Variants in SNX4 observed in about 807,000 individuals in gnomAD.
SNX4 encodes sorting nexin-4.
A neutral mutation model predicts 70.8 loss-of-function variants in SNX4; 49 were observed. The observed-to-expected ratio is 0.69, with a 90% CI of 0.55 to 0.88. The LOEUF is 0.88. SNX4 is among the 40% of genes least tolerant of loss of function. The probability of loss-of-function intolerance (pLI) is 0.00; values close to 1 mark genes in which losing one functional copy is unlikely to be tolerated. For synonymous variants in SNX4, 206 were observed against 183.8 expected (o/e 1.12, Z -0.98); for missense variants, 528 against 544.8 (o/e 0.97, Z 0.31).
intron 1 of SNX4, among the ~76,000 whole-genome samples, chr3:125,508,663 G>A (rs556896359): frequency 5.3e-5 from 8 of 152,152 alleles, no homozygotes; most frequent in African/African-American, 1.9e-4. Context: ...CAACAACGTG[G>A]TACTGTCATA....
At chr3:125,515,624 C>T (rs1381447394) in intron 1 of SNX4, among the ~76,000 whole-genome samples, 1 of 145,760 alleles carries the variant, frequency 6.9e-6, no homozygotes, top group Admixed American at 6.9e-5. Context: ...ATGATCATGC[C>T]ATTGCACTCC....
At chr3:125,468,649 C>T (rs531416250) in intron 9 of SNX4, among the ~76,000 whole-genome samples, 4 of 152,190 alleles carry the variant, frequency 2.6e-5, no homozygotes, top group East Asian at 3.9e-4. Flanking sequence ...AGTCCAAGAT[C>T]GACCTGGGCA....
At chr3:125,499,118 T>A (rs1468230205) in intron 2 of SNX4, among the ~76,000 whole-genome samples, 1 of 152,214 alleles carries the variant, frequency 6.6e-6, no homozygotes, top group South Asian at 2.1e-4. Flanking sequence ...CCATGTCTCA[T>A]ACATACAAAA....
chr3:125,519,863 C>T (rs1935365022), intron 1 of SNX4, among the ~76,000 whole-genome samples, 169 bp downstream of exon 1: 1 of 152,138 alleles, frequency 6.6e-6, no homozygotes, highest in Non-Finnish European at 1.5e-5. Context: ...ACTGAGCCTC[C>T]TCTCACTGCA....
chr3:125,491,777 C>A (rs1042254922), intron 5 of SNX4, among the ~76,000 whole-genome samples: 6 of 152,212 alleles, frequency 3.9e-5, no homozygotes, highest in African/African-American at 1.4e-4. Context: ...TATCTGAAAT[C>A]ATCTTGTTCA....
At chr3:125,477,674 A>G (rs1934316702) in intron 7 of SNX4, among the ~76,000 whole-genome samples, 1 of 152,206 alleles carries the variant, frequency 6.6e-6, no homozygotes, top group South Asian at 2.1e-4. Flanking sequence ...ACAGTGACAG[A>G]ACCGCCACTG....
intron 5 of SNX4, among the ~76,000 whole-genome samples, chr3:125,492,730 T>C (rs1367394351): frequency 2.0e-5 from 3 of 152,284 alleles, no homozygotes; most frequent in Non-Finnish European, 2.9e-5. Context: ...AGTTTATGAG[T>C]ATTTCCAGCT....
chr3:125,496,305 A>C (rs1934793013), intron 5 of SNX4, among the ~76,000 whole-genome samples: 1 of 152,080 alleles, frequency 6.6e-6, no homozygotes, highest in African/African-American at 2.4e-5. Context: ...AAATCATAAA[A>C]ACTCCAAAAT....
chr3:125,519,587 A>G (rs1580017352), intron 1 of SNX4, among the ~76,000 whole-genome samples: 1 of 151,162 alleles, frequency 6.6e-6, no homozygotes, highest in South Asian at 2.1e-4. Flanking sequence ...ACTGTTGCCC[A>G]CTCCCCACTG....
chr3:125,504,073 G>A (rs1580006529), intron 2 of SNX4, among the ~76,000 whole-genome samples: 1 of 152,190 alleles, frequency 6.6e-6, no homozygotes, highest in Middle Eastern at 3.4e-3. Flanking sequence ...GCTCACACTT[G>A]TAATCCGAAC....
At chr3:125,457,565 A>T (rs1933755453) in intron 10 of SNX4, among the ~76,000 whole-genome samples, 200 bp from the exon 11 acceptor site, 2 of 144,298 alleles carry the variant, frequency 1.4e-5, no homozygotes, top group Non-Finnish European at 3.0e-5. Context: ...TAAAAACTTC[A>T]TATATTCTTT....
intron 7 of SNX4, 151 bp from the exon 8 acceptor site, chr3:125,476,907 A>C (rs1397573052): frequency 1.8e-6 from 1 of 552,946 alleles, no homozygotes; most frequent in Non-Finnish European, 3.2e-6. Context: ...CATCCCCCTA[A>C]AACTAAAACC....
At chr3:125,509,704 G>GA (rs1580010504) in intron 1 of SNX4, among the ~76,000 whole-genome samples, 1 of 126,412 alleles carries the variant, frequency 7.9e-6, no homozygotes, top group Non-Finnish European at 1.6e-5. Context: ...AGTGAGCTAA[G>GA]ATCATGCCAC....
intron 12 of SNX4, among the ~76,000 whole-genome samples, chr3:125,452,672 C>T (rs1933604873): frequency 6.6e-6 from 1 of 152,184 alleles, no homozygotes; most frequent in South Asian, 2.1e-4. Context: ...GGCTAGAGTG[C>T]AGTGGCGTGA....
chr3:125,482,966 T>C (rs1174545322), intron 6 of SNX4, among the ~76,000 whole-genome samples: 1 of 151,948 alleles, frequency 6.6e-6, no homozygotes, highest in Non-Finnish European at 1.5e-5. Flanking sequence ...TTTGAAGGAA[T>C]ATAAACCTAA....
chr3:125,462,453 G>T (rs936957993), intron 9 of SNX4, among the ~76,000 whole-genome samples: 2 of 151,942 alleles, frequency 1.3e-5, no homozygotes, highest in African/African-American at 4.8e-5. Context: ...AGCTGGACAT[G>T]GTAGTGCATG....
intron 2 of SNX4, among the ~76,000 whole-genome samples, chr3:125,502,560 AT>A (rs536863146): frequency 2.2e-4 from 33 of 151,586 alleles, no homozygotes; most frequent in Non-Finnish European, 3.2e-4. Flanking sequence ...GTAGGTTAAA[AT>A]TTTTTTTCTT....
chr3:125,514,467 C>T (rs993298946), intron 1 of SNX4, among the ~76,000 whole-genome samples: 1 of 150,676 alleles, frequency 6.6e-6, no homozygotes, highest in Non-Finnish European at 1.5e-5. Context: ...TCACAGCTCA[C>T]TGCAACCTCC....
At chr3:125,471,626 A>T (rs564480390) in intron 8 of SNX4, among the ~76,000 whole-genome samples, 39 of 152,332 alleles carry the variant, frequency 2.6e-4, no homozygotes, top group African/African-American at 8.7e-4. Context: ...TGAATATTTT[A>T]AAATGTTCAA....
Sources: gnomAD v4.1 joint callset for allele counts (sites outside exome capture counted in the v4.1 genomes callset) on GRCh38, gnomAD v4.1.1 for gene constraint, MANE v1.5 for transcripts, NCBI Gene and HGNC (gene_info 2026-07-23, HGNC 2026-07-21) for gene names.